The following ZNF649 variants were observed in gnomAD, a reference collection of about 807,000 sequenced individuals.
ZNF649 encodes zinc finger protein 649.
ZNF649 carries 7 observed loss-of-function variants against 14.1 expected under a neutral mutation model. That is an observed-to-expected ratio of 0.49 (90% CI 0.28 to 0.93). ZNF649 has a LOEUF of 0.93. Ranked by LOEUF, ZNF649 falls within the 40% of genes least tolerant of loss-of-function variation. The probability of loss-of-function intolerance (pLI) is 0.10; values close to 1 mark genes in which losing one functional copy is unlikely to be tolerated. For missense variants in ZNF649, 544 were observed against 608.1 expected (o/e 0.89, Z 1.11); for synonymous variants, 227 against 212.3 (o/e 1.07, Z -0.60).
chr19:51,897,829 T>A (rs2085072337), intron 2 of ZNF649, among the ~76,000 whole-genome samples: 1 of 151,976 alleles, frequency 6.6e-6, no homozygotes, highest in Non-Finnish European at 1.5e-5. Flanking sequence ...ACATTGAAAA[T>A]CTATCCATGA....
rs2122755936 is a variant in ZNF649, at chr19:51,891,344, G to A, written c.792C>T (p.Cys264=). 6.2e-7 allele frequency: 1 copy of A among 1,614,170 alleles called. No individual in the cohort carries two copies. Among genetic ancestry groups the A allele is most frequent in the Middle Eastern group, 1.7e-4 (1 of 6,060 alleles). Residue 264 remains cysteine, a synonymous_variant, in exon 5 of 5, where the codon TGC becomes TGT. Coordinates refer to ENST00000354957, the MANE Select transcript of ZNF649 (RefSeq NM_023074.4). The surrounding 1 kb of genome is among the most constrained non-coding windows in gnomAD (Gnocchi z 4.2). The part of the protein sequence containing the change: ...RAHKGEKPYG[C]SECGKAFPRK... Reference sequence around the variant, plus strand: ...TGGGGAAGGCTTTCCCACATTCACTGCACCCGTATGGTTTCTCTCCTTTGT... The same window carrying A: ...TGGGGAAGGCTTTCCCACATTCACTACACCCGTATGGTTTCTCTCCTTTGT...
chr19:51,893,730 T>C (rs2085039529), intron 4 of ZNF649, among the ~76,000 whole-genome samples: 2 of 152,178 alleles, frequency 1.3e-5, no homozygotes, highest in Non-Finnish European at 2.9e-5. Flanking sequence ...CTGTCCCTAA[T>C]ATACTAATTC....
chr19:51,900,465 G>C (rs2085088271), intron 1 of ZNF649, 171 bp from the exon 2 acceptor site: 1 of 216,626 alleles, frequency 4.6e-6, no homozygotes, highest in Admixed American at 5.8e-5. Context: ...CACTCTGAAT[G>C]TGGGGAGTCA....
intron 2 of ZNF649, 61 bp downstream of exon 2, chr19:51,900,032 C>A: frequency 1.4e-6 from 2 of 1,425,086 alleles, no homozygotes; most frequent in Non-Finnish European, 1.9e-6. Context: ...GAACTGATTT[C>A]TTCAGACTTC....
At chr19:51,899,907 T>C (rs1017610648) in intron 2 of ZNF649, 186 bp downstream of exon 2, 12 of 445,432 alleles carry the variant, frequency 2.7e-5, no homozygotes, top group Non-Finnish European at 4.3e-5. Flanking sequence ...ACTGGTCACA[T>C]GTGAACTATG....
chr19:51,899,677 T>C (rs2085084221), intron 2 of ZNF649: 1 of 162,948 alleles, frequency 6.1e-6, no homozygotes, highest in Non-Finnish European at 1.3e-5. Context: ...AAGTCTATCT[T>C]GTCACCTCTA....
intron 4 of ZNF649, among the ~76,000 whole-genome samples, chr19:51,892,801 C>T (rs1363837345): frequency 6.6e-6 from 1 of 152,176 alleles, no homozygotes; most frequent in Non-Finnish European, 1.5e-5. Flanking sequence ...GGAACAGACT[C>T]TTTGTAGCAA....
chr19:51,895,683 T>C (rs1171092507), intron 4 of ZNF649, among the ~76,000 whole-genome samples: 1 of 151,944 alleles, frequency 6.6e-6, no homozygotes, highest in East Asian at 1.9e-4. Context: ...AATCAGTAAC[T>C]CTAGACAATG....
chr19:51,891,593 A>G lies in ZNF649; in HGVS notation c.543T>C (p.Thr181=). 1 of 1,614,254 alleles carries G rather than the reference A, an allele frequency of 6.2e-7. No individual in the cohort carries two copies. Among genetic ancestry groups the G allele is most frequent in the South Asian group, 1.1e-5 (1 of 91,088 alleles). ...TCTTGAGGAAAGCTTTCCCACAGTC[A>G]GTGCATTCATGGGCTTTCTCTATGT... ...THNIEKAHEC[T]DCGKAFLKKS... is the part of the protein sequence containing the mutation. Residue 181 remains threonine (T), a synonymous_variant, in exon 5 of 5, where the codon ACT becomes ACC. Transcript: ENST00000354957. The surrounding 1 kb of genome is among the most constrained non-coding windows in gnomAD (Gnocchi z 4.2).
In ZNF649 at chr19:51,896,534, T is replaced by G; in HGVS notation, c.176A>C (p.Lys59Thr). Residue 59 changes from lysine to threonine, a missense_variant, in exon 4 of 5, where the codon AAG (lysine) becomes ACG (threonine). Physicochemically the swap from Lys to Thr is moderately conservative, Grantham distance 78. Transcript: ENST00000354957. ...YQAGKPDALTKLEQGEPLWTL... is the reference protein window; with the variant it reads ...YQAGKPDALTTLEQGEPLWTL... ...CCATAGTGGTTCTCCTTGTTCCAACTTGGTGAGGGCATCAGGTTTGCCGGC... is the reference window on the plus strand; with the variant it reads ...CCATAGTGGTTCTCCTTGTTCCAACGTGGTGAGGGCATCAGGTTTGCCGGC... 1 of 1,614,154 alleles carries G rather than the reference T, an allele frequency of 6.2e-7. No individual in the cohort carries two copies. Among genetic ancestry groups the G allele is most frequent in the East Asian group, 2.2e-5 (1 of 44,880 alleles).
chr19:51,891,672 C>T lies in ZNF649; in HGVS notation c.464G>A (p.Ser155Asn), dbSNP rs2085023664. 3 of 1,613,704 alleles carry T rather than the reference C, an allele frequency of 1.9e-6. No individual in the cohort carries two copies. The highest frequency in any genetic ancestry group is 2.5e-6 in the Non-Finnish European group (3 of 1,179,966). The change falls in exon 5 of 5, where the codon AGT becomes AAT. Residue 155 changes from serine (S) to asparagine (N), a missense_variant. By Grantham distance (46) the Ser-to-Asn change is conservative. Coordinates refer to ENST00000354957, the MANE Select transcript of ZNF649 (RefSeq NM_023074.4). The surrounding 1 kb of genome is among the most constrained non-coding windows in gnomAD (Gnocchi z 4.2). Reference protein sequence around the residue: ...QMPTEIEFPESRKPISTKSQF... With the variant: ...QMPTEIEFPENRKPISTKSQF... ...TGACTTGGTGCTGATGGGTTTTCTA[C>T]TTTCAGGGAATTCAATTTCCGTAGG...
In ZNF649 at chr19:51,890,469, A is replaced by G; in HGVS notation, c.*149T>C. ...TGAAAAACAATATTGTGGGAGGGGTAGTGAGGTTTATAAGATATAAAAAAG... is the reference window on the plus strand; with the variant it reads ...TGAAAAACAATATTGTGGGAGGGGTGGTGAGGTTTATAAGATATAAAAAAG... On this transcript the variant is annotated 3_prime_UTR_variant, in exon 5 of 5. Coordinates refer to ENST00000354957, the MANE Select transcript of ZNF649 (RefSeq NM_023074.4). The G allele has an allele frequency of 3.4e-6, 2 of 580,732 alleles. No homozygotes were observed. The highest frequency in any genetic ancestry group is 6.0e-6 in the Non-Finnish European group (2 of 333,320). 36.0% of individuals were successfully genotyped at this position (580,732 alleles called of 1,614,324 possible).
At chr19:51,897,688 G>A (rs765806945) in intron 2 of ZNF649, among the ~76,000 whole-genome samples, 82 of 152,220 alleles carry the variant, frequency 5.4e-4, no homozygotes, top group Non-Finnish European at 5.9e-5. Flanking sequence ...AGACATAGAT[G>A]TCCTCACAGG....
chr19:51,903,975 C>G (rs566647138), intron 1 of ZNF649, among the ~76,000 whole-genome samples: 1 of 152,318 alleles, frequency 6.6e-6, no homozygotes, highest in South Asian at 2.1e-4. Context: ...CGAACTTAAT[C>G]GTATGCACCT....
chr19:51,895,796 T>C (rs944000741), intron 4 of ZNF649, among the ~76,000 whole-genome samples: 5 of 151,836 alleles, frequency 3.3e-5, no homozygotes, highest in East Asian at 1.9e-4. Flanking sequence ...CACACACACA[T>C]ACACATATAT....
intron 4 of ZNF649, among the ~76,000 whole-genome samples, chr19:51,894,143 T>C (rs1190138691): frequency 6.6e-6 from 1 of 151,914 alleles, no homozygotes; most frequent in Non-Finnish European, 1.5e-5. Context: ...TTTTTTTTCT[T>C]TTTTTTTGAG....
rs368186914 is a variant in ZNF649, at chr19:51,893,178, A to G, written c.239-1281T>C. Among the ~76,000 whole-genome samples the G allele has an allele frequency of 3.0e-4, 45 of 152,278 alleles. 1 individual carries two copies. The South Asian group carries it at 5.4e-3, about 18-fold the overall frequency. ...GCAGACTTTTCTTATATCCTGTAAA[A>G]GACCTGCTAGCATACAGTCAAATTC... is the stretch of plus-strand genomic sequence containing the variant. On this transcript the variant is annotated intron_variant, in intron 4 of 4. Coordinates refer to ENST00000354957, the MANE Select transcript of ZNF649 (RefSeq NM_023074.4).
Position 51,891,869 on chromosome 19 carries a change from C to T in ZNF649, c.267G>A (p.Gln89=). The T allele has an allele frequency of 6.4e-7, 1 of 1,572,014 alleles. No individual in the cohort carries two copies. Among genetic ancestry groups the T allele is most frequent in the South Asian group, 1.2e-5 (1 of 83,552 alleles). Residue 89 remains glutamine, a synonymous_variant, in exon 5 of 5, where the codon CAG becomes CAA. Coordinates refer to ENST00000354957, the MANE Select transcript of ZNF649 (RefSeq NM_023074.4). This position sits in a 1 kb window ranked among gnomAD's most constrained non-coding sequence, Gnocchi z 4.2. ...GTATTTTTTGGTTTTGCAAGGGCTG[C>T]TGCAGATGATCATCAGCTTTCTCAA... is the stretch of plus-strand genomic sequence containing the variant. The part of the protein sequence containing the change: ...PEIEKADDHL[Q]QPLQNQKILK...
chr19:51,891,748 C>A lies in ZNF649; in HGVS notation c.388G>T (p.Ala130Ser), dbSNP rs2085024351. The A allele has an allele frequency of 6.2e-7, 1 of 1,613,552 alleles. No individual in the cohort carries two copies. Residue 130 changes from alanine (A) to serine (S), a missense_variant, in exon 5 of 5, where the codon GCT becomes TCT. Transcript: ENST00000354957. The surrounding 1 kb of genome is among the most constrained non-coding windows in gnomAD (Gnocchi z 4.2). ...AAAGCTCCATCTCCATTAAACTCAG[C>A]AGGCTCCTTTCTGTTGTATCTTCTG... ...QSRRYNRKEP[A>S]EFNGDGAFLH...
Sources: gnomAD v4.1 joint callset for allele counts (sites outside exome capture counted in the v4.1 genomes callset) on GRCh38, gnomAD v4.1.1 for gene constraint, Gnocchi (gnomAD v3.1) non-coding constraint, MANE v1.5 for transcripts, NCBI Gene and HGNC (gene_info 2026-07-23, HGNC 2026-07-21) for gene names.